Variants in NRG3 observed in about 807,000 individuals in gnomAD.
NRG3 encodes pro-neuregulin-3, membrane-bound isoform.
NRG3 carries 31 observed loss-of-function variants against 66.9 expected under a neutral mutation model. That is an observed-to-expected ratio of 0.46 (90% CI 0.35 to 0.63). The LOEUF (loss-of-function observed/expected upper bound fraction) is 0.63. NRG3 is among the 20% of genes least tolerant of loss of function. The probability of loss-of-function intolerance (pLI) is 0.00; values close to 1 mark genes in which losing one functional copy is unlikely to be tolerated. For synonymous variants in NRG3, 393 were observed against 359.4 expected (o/e 1.09, Z -1.06); for missense variants, 910 against 878.9 (o/e 1.04, Z -0.45).
chr10:82,790,979 A>G (rs574724648), intron 3 of NRG3, among the ~76,000 whole-genome samples: 1 of 151,764 alleles, frequency 6.6e-6, no homozygotes, highest in South Asian at 2.1e-4. Context: ...TATTATTCTC[A>G]TATTTTATTT....
At chr10:81,904,136 A>G (rs969066765) in intron 1 of NRG3, among the ~76,000 whole-genome samples, 6 of 151,716 alleles carry the variant, frequency 4.0e-5, no homozygotes, top group African/African-American at 1.5e-4. Context: ...CAGCCTCCCT[A>G]GTAGCTGGGA....
At chr10:82,198,336 CTTAG>C (rs2074558950) in intron 1 of NRG3, among the ~76,000 whole-genome samples, 1 of 151,930 alleles carries the variant, frequency 6.6e-6, no homozygotes, top group Non-Finnish European at 1.5e-5. Context: ...TGCAAAAGCT[CTTAG>C]TGAGGTAGAA....
intron 1 of NRG3, among the ~76,000 whole-genome samples, chr10:82,123,705 C>A (rs1330119374): frequency 6.6e-6 from 1 of 152,128 alleles, no homozygotes; most frequent in Non-Finnish European, 1.5e-5. Flanking sequence ...TGAGGCAAGT[C>A]TAAATCAACC....
intron 2 of NRG3, among the ~76,000 whole-genome samples, chr10:82,414,927 A>G (rs758851777): frequency 1.4e-4 from 21 of 152,166 alleles, no homozygotes; most frequent in Non-Finnish European, 2.5e-4. Context: ...AAGGCCTTCA[A>G]CTGATCGGAT....
intron 1 of NRG3, 27 bp from the exon 2 acceptor site, chr10:82,358,712 C>T (rs778562404): frequency 5.0e-6 from 8 of 1,613,494 alleles, no homozygotes; most frequent in South Asian, 3.3e-5. Flanking sequence ...CTGCTGACAG[C>T]GTTTCCCCCT....
At chr10:82,646,029 A>C (rs1324247783) in intron 2 of NRG3, among the ~76,000 whole-genome samples, 1 of 152,162 alleles carries the variant, frequency 6.6e-6, no homozygotes, top group East Asian at 1.9e-4. Context: ...GAGAATATTG[A>C]AACCATGTTC....
At chr10:82,311,403 TCTC>T (rs2081019613) in intron 1 of NRG3, among the ~76,000 whole-genome samples, 1 of 152,174 alleles carries the variant, frequency 6.6e-6, no homozygotes, top group Non-Finnish European at 1.5e-5. Flanking sequence ...CTTCTTCTCT[TCTC>T]CACCTGTATA....
intron 2 of NRG3, among the ~76,000 whole-genome samples, chr10:82,576,749 T>C (rs1471584314): frequency 6.6e-6 from 1 of 151,756 alleles, no homozygotes; most frequent in African/African-American, 2.4e-5. Flanking sequence ...AGGGGACAAA[T>C]TTCCTGAGGA....
chr10:81,965,790 G>C (rs1034948940), intron 1 of NRG3, among the ~76,000 whole-genome samples: 4 of 152,116 alleles, frequency 2.6e-5, no homozygotes, highest in African/African-American at 7.2e-5. Context: ...TGTCCTAAGA[G>C]TTGTGAGTTG....
chr10:82,329,130 A>T (rs1296054801), intron 1 of NRG3, among the ~76,000 whole-genome samples: 1 of 152,208 alleles, frequency 6.6e-6, no homozygotes, highest in African/African-American at 2.4e-5. Context: ...GGAAGAAAAT[A>T]TTAACTCTTT....
At chr10:82,752,805 G>A (rs889447549) in intron 3 of NRG3, among the ~76,000 whole-genome samples, 1 of 152,140 alleles carries the variant, frequency 6.6e-6, no homozygotes, top group Non-Finnish European at 1.5e-5. Flanking sequence ...ATAAGTACAA[G>A]GGCCTTTTAC....
At chr10:82,694,697 G>T (rs2055231490) in intron 2 of NRG3, among the ~76,000 whole-genome samples, 1 of 152,178 alleles carries the variant, frequency 6.6e-6, no homozygotes, top group African/African-American at 2.4e-5. Flanking sequence ...AGGCTGCACT[G>T]AGTCATAATT....
intron 1 of NRG3, among the ~76,000 whole-genome samples, chr10:82,268,753 G>A (rs1440491538): frequency 1.3e-5 from 2 of 151,962 alleles, no homozygotes; most frequent in African/African-American, 4.8e-5. Context: ...CAAGAACCAG[G>A]GATTGATTTC....
intron 2 of NRG3, among the ~76,000 whole-genome samples, chr10:82,730,089 T>C (rs1490346170): frequency 2.5e-4 from 26 of 102,614 alleles, no homozygotes; most frequent in African/African-American, 1.3e-3. Flanking sequence ...TTTTTTTTCC[T>C]TTTTTTTTTT....
chr10:82,805,666 A>G (rs2135466042), intron 3 of NRG3, among the ~76,000 whole-genome samples: 1 of 152,224 alleles, frequency 6.6e-6, no homozygotes, highest in African/African-American at 2.4e-5. Context: ...AGGCTGATGT[A>G]TTAGAGCATG....
chr10:82,334,401 A>G (rs775158232), intron 1 of NRG3, among the ~76,000 whole-genome samples: 12 of 152,182 alleles, frequency 7.9e-5, no homozygotes, highest in Non-Finnish European at 1.6e-4. Flanking sequence ...GCAATGCAAT[A>G]TGATAAGGGC....
At chr10:82,799,086 A>G (rs1160114249) in intron 3 of NRG3, among the ~76,000 whole-genome samples, 1 of 152,234 alleles carries the variant, frequency 6.6e-6, no homozygotes, top group Non-Finnish European at 1.5e-5. Flanking sequence ...TAATTTATTG[A>G]GTACCTGCTA....
intron 1 of NRG3, among the ~76,000 whole-genome samples, chr10:82,265,586 A>G (rs2078256187): frequency 6.6e-6 from 1 of 152,206 alleles, no homozygotes; most frequent in African/African-American, 2.4e-5. Flanking sequence ...TGAGTTCTGA[A>G]GTATGATTAA....
chr10:82,917,398 G>A (rs1014877780), intron 4 of NRG3, among the ~76,000 whole-genome samples: 3 of 152,202 alleles, frequency 2.0e-5, no homozygotes, highest in African/African-American at 7.2e-5. Context: ...GACAGTCCAA[G>A]TTGAAATGCC....
Sources: allele counts gnomAD v4.1 joint callset (sites outside exome capture counted in the v4.1 genomes callset), GRCh38; gene constraint gnomAD v4.1.1; transcripts MANE v1.5; gene names NCBI Gene and HGNC (gene_info 2026-07-23, HGNC 2026-07-21).